C19orf12: variants seen among roughly 807,000 people sequenced by gnomAD.
C19orf12 encodes chromosome 19 open reading frame 12.
C19orf12 carries 2 observed loss-of-function variants against 3.8 expected under a neutral mutation model. That is an observed-to-expected ratio of 0.53 (90% confidence interval 0.22 to 1.66). The LOEUF is 1.66. Among genes scored for constraint, C19orf12 ranks in the 40% most tolerant of loss-of-function variants. The pLI, the probability that C19orf12 is intolerant of heterozygous loss-of-function variation, is 0.20. For synonymous variants in C19orf12, 89 were observed against 84.6 expected (o/e 1.05, Z -0.28); for missense variants, 156 against 188.8 (o/e 0.83, Z 1.02).
rs536195703 is a variant in C19orf12, at chr19:29,701,992, T to C, written c.*720A>G. The C allele has an allele frequency of 8.8e-6, 4 of 453,674 alleles. No homozygotes were observed. Among genetic ancestry groups the C allele is most frequent in the East Asian group, 7.0e-5 (1 of 14,388 alleles). 28.1% of individuals were successfully genotyped at this position (453,674 alleles called of 1,614,324 possible). A position where few individuals can be genotyped will look rare whatever the true frequency, so the allele number is the denominator to read the frequency against. On this transcript the variant is annotated 3_prime_UTR_variant, in exon 3 of 3. Transcript: ENST00000323670. ...CTGAACCCACAATATCTCCGAGATA[T>C]ACCTGTACTTTTTACTAAAAATATT...
chr19:29,711,474 CT>C, intron 1 of C19orf12, among the ~76,000 whole-genome samples: 1 of 152,304 alleles, frequency 6.6e-6, no homozygotes, highest in African/African-American at 2.4e-5. Context: ...TTATATCCAG[CT>C]TTTCATCTGT....
chr19:29,715,363 C>G (rs758905470), upstream of C19orf12: 6 of 392,506 alleles, frequency 1.5e-5, no homozygotes, highest in South Asian at 6.9e-5. Flanking sequence ...TTAGGGGGAG[C>G]CGGGGGTCGC....
Position 29,702,304 on chromosome 19 carries a change from C to G in C19orf12, c.*408G>C, listed in dbSNP as rs769185832. The G allele has an allele frequency of 6.5e-6, 3 of 462,512 alleles. No individual in the cohort carries two copies. Among genetic ancestry groups the G allele is most frequent in the South Asian group, 4.6e-5 (3 of 64,548 alleles). The allele number at this position is 462,512 out of a possible 1,614,324, so 28.7% of individuals were successfully genotyped here. A position where few individuals can be genotyped will look rare whatever the true frequency, so the allele number is the denominator to read the frequency against. On this transcript the variant is annotated 3_prime_UTR_variant, in exon 3 of 3. Transcript: ENST00000323670. ...GTGGGATCCAGTCCTGCAGCAGGTG[C>G]TCTGAAGAGGAGTCATCTCCCAAGA...
chr19:29,711,036 GTTT>G (rs781530564), intron 1 of C19orf12, among the ~76,000 whole-genome samples: 2 of 98,262 alleles, frequency 2.0e-5, no homozygotes, highest in Admixed American at 1.3e-4. Context: ...ATACAGAGAG[GTTT>G]TTTTTTTTTT....
In C19orf12 at chr19:29,700,736, GA is replaced by G. The variant is rs1972042207; in HGVS notation, c.*1975del. The stretch of plus-strand genomic sequence containing the variant: ...GCAGAAGAGCAATCGCTCTGCAAGA[GA>G]AAGGCTCGGCCCTTCCTTAATCACC... On this transcript the variant is annotated 3_prime_UTR_variant, in exon 3 of 3. Transcript: ENST00000323670. 1 of 454,042 alleles carries G rather than the reference GA, an allele frequency of 2.2e-6. No individual in the cohort carries two copies. Among genetic ancestry groups the G allele is most frequent in the Admixed American group, 2.4e-5 (1 of 42,552 alleles). 28.1% of individuals were successfully genotyped at this position (454,042 alleles called of 1,614,324 possible). A position where few individuals can be genotyped will look rare whatever the true frequency, so the allele number is the denominator to read the frequency against.
In C19orf12 at chr19:29,699,157, G is replaced by A. The variant is rs1028920787; in HGVS notation, c.*3555C>T. 8.8e-6 allele frequency: 4 copies of A among 453,744 alleles called. No homozygotes were observed. The highest frequency in any genetic ancestry group is 1.8e-5 in the Non-Finnish European group (4 of 226,766). 28.1% of individuals were successfully genotyped at this position (453,744 alleles called of 1,614,324 possible). ...TTCAAAGGGGCATATAGGATAAGAA[G>A]GCAAGTACGTTAGAAATATACATAC... On this transcript the variant is annotated 3_prime_UTR_variant, in exon 3 of 3. Coordinates refer to ENST00000323670, the MANE Select transcript of C19orf12 (RefSeq NM_031448.6).
At chr19:29,715,750 C>T (rs1261794027), upstream of C19orf12, 1 of 154,558 alleles carries the variant, frequency 6.5e-6, no homozygotes, top group African/African-American at 2.4e-5. Flanking sequence ...GCTCTGGAGC[C>T]TCTGGGTCTG....
At chr19:29,704,986 G>T (rs907640711) in intron 2 of C19orf12, among the ~76,000 whole-genome samples, 3 of 152,138 alleles carry the variant, frequency 2.0e-5, no homozygotes, top group Non-Finnish European at 4.4e-5. Context: ...TCACCAATCA[G>T]ATATTTAAAG....
chr19:29,704,750 G>A (rs1198243043), intron 2 of C19orf12, among the ~76,000 whole-genome samples: 3 of 152,286 alleles, frequency 2.0e-5, no homozygotes, highest in Non-Finnish European at 2.9e-5. Flanking sequence ...GGCCTTACCC[G>A]GCCTCTCCCC....
chr19:29,706,444 C>T (rs951941441), intron 2 of C19orf12, among the ~76,000 whole-genome samples: 15 of 152,190 alleles, frequency 9.9e-5, no homozygotes, highest in East Asian at 1.9e-4. Context: ...GTGAATCCCC[C>T]GGGCTCTCTT....
intron 1 of C19orf12, among the ~76,000 whole-genome samples, chr19:29,710,976 C>T (rs1275982557): frequency 6.6e-6 from 1 of 150,914 alleles, no homozygotes; most frequent in Non-Finnish European, 1.5e-5. Flanking sequence ...TCACCATGGT[C>T]CTGAAAAGCT....
At position 29,702,395 on chromosome 19, in the gene C19orf12, G is replaced by A. The variant is rs761763218; in HGVS notation, c.*317C>T. 2 of 562,514 alleles carry A rather than the reference G, an allele frequency of 3.6e-6. No homozygotes were observed. Among genetic ancestry groups the A allele is most frequent in the Non-Finnish European group, 6.7e-6 (2 of 297,290 alleles). The allele number at this position is 562,514 out of a possible 1,614,324, so 34.8% of individuals were successfully genotyped here. A position where few individuals can be genotyped will look rare whatever the true frequency, so the allele number is the denominator to read the frequency against. On this transcript the variant is annotated 3_prime_UTR_variant, in exon 3 of 3. Transcript: ENST00000323670. ...TCGGCTGAGCGTGATCACTTCCCCA[G>A]ACCCATGCGGGTGAGAGGACTCAGC...
At chr19:29,704,851 C>A (rs1009914222) in intron 2 of C19orf12, among the ~76,000 whole-genome samples, 2 of 152,152 alleles carry the variant, frequency 1.3e-5, no homozygotes, top group African/African-American at 4.8e-5. Context: ...CTTCCGAGGC[C>A]CAGGACACAG....
At chr19:29,703,718 C>T (rs890022545) in intron 2 of C19orf12, among the ~76,000 whole-genome samples, 2 of 151,872 alleles carry the variant, frequency 1.3e-5, no homozygotes, top group East Asian at 2.0e-4. Context: ...AGGCTGGGTG[C>T]GGTGGCTCAT....
chr19:29,711,101 G>A (rs1010491873), intron 1 of C19orf12, among the ~76,000 whole-genome samples: 2 of 147,560 alleles, frequency 1.4e-5, no homozygotes, highest in East Asian at 2.1e-4. Flanking sequence ...GTGTAGCGGC[G>A]CGATCTCGGC....
At chr19:29,713,846 C>T (rs866557675) in intron 1 of C19orf12, among the ~76,000 whole-genome samples, 5 of 152,228 alleles carry the variant, frequency 3.3e-5, no homozygotes, top group Middle Eastern at 3.4e-3. Flanking sequence ...CAGGGCCCTG[C>T]CCTCCCTACC....
In C19orf12 at chr19:29,714,057, T is replaced by G. The variant is rs111353305; in HGVS notation, c.-11+1068A>C. Among the ~76,000 whole-genome samples, 149 of 151,976 alleles carry G rather than the reference T, an allele frequency of 9.8e-4. 1 individual carries two copies. Among genetic ancestry groups the G allele is most frequent in the African/African-American group, 2.8e-3 (118 of 41,436 alleles). On this transcript the variant is annotated intron_variant, in intron 1 of 2. Coordinates refer to ENST00000323670, the MANE Select transcript of C19orf12 (RefSeq NM_031448.6). ...TTCCTGCTTTTTGTTGTTGCTGGTGTTGTTGTTGTTTTTTCCAGAAACGCA... is the reference window on the plus strand; with the variant it reads ...TTCCTGCTTTTTGTTGTTGCTGGTGGTGTTGTTGTTTTTTCCAGAAACGCA...
At position 29,699,887 on chromosome 19, in the gene C19orf12, GAGA is replaced by G. The variant is rs765809041; in HGVS notation, c.*2822_*2824del. 8.8e-6 allele frequency: 4 copies of G among 453,038 alleles called. No individual in the cohort carries two copies. Among genetic ancestry groups the G allele is most frequent in the Middle Eastern group, 6.9e-4 (1 of 1,444 alleles). 28.1% of individuals were successfully genotyped at this position (453,038 alleles called of 1,614,324 possible). ...TATAAATACTAAAACCACAGGAGCT[GAGA>G]AGCAGCGCTTGATTTCCTGGGGGAA... On this transcript the variant is annotated 3_prime_UTR_variant, in exon 3 of 3. Transcript: ENST00000323670.
At chr19:29,708,149 G>C (rs1180878115) in intron 2 of C19orf12, 105 bp downstream of exon 2, 9 of 1,522,928 alleles carry the variant, frequency 5.9e-6, no homozygotes, top group Admixed American at 3.3e-5. Flanking sequence ...AAAGTGCTGG[G>C]ATTACAGGCA....
Sources: allele counts gnomAD v4.1 joint callset (sites outside exome capture counted in the v4.1 genomes callset), GRCh38; gene constraint gnomAD v4.1.1; transcripts MANE v1.5; gene names NCBI Gene and HGNC (gene_info 2026-07-23, HGNC 2026-07-21).